The following UQCC1 variants were observed in gnomAD, a reference collection of about 807,000 sequenced individuals.
UQCC1 encodes the protein ubiquinol-cytochrome c reductase complex assembly factor 1, also known as bFGF-repressed Zic-binding protein.
A neutral mutation model predicts 48.0 loss-of-function variants in UQCC1; 38 were observed. That is an observed-to-expected ratio of 0.79 (90% confidence interval 0.61 to 1.04). The LOEUF (loss-of-function observed/expected upper bound fraction) is 1.04. Ranked by LOEUF, UQCC1 falls within the 50% of genes least tolerant of loss-of-function variation. The probability of loss-of-function intolerance (pLI) is 0.00; values close to 1 mark genes in which losing one functional copy is unlikely to be tolerated. For synonymous variants in UQCC1, 111 were observed against 129.2 expected (o/e 0.86, Z 0.95); for missense variants, 368 against 381.8 (o/e 0.96, Z 0.30).
intron 7 of UQCC1, among the ~76,000 whole-genome samples, chr20:35,340,220 C>T (rs1246761603): frequency 6.6e-6 from 1 of 152,126 alleles, no homozygotes; most frequent in African/African-American, 2.4e-5. Flanking sequence ...ACCTACTCCT[C>T]GAACTCTTGC....
In UQCC1 at chr20:35,317,669, C is replaced by T. The variant is rs1179244954; in HGVS notation, c.574-2904G>A. ...GGGAGCTACTCAAGGGTCATAGGAA[C>T]CATGTCTGATTAATCTCGGCACCCC... On this transcript the variant is annotated intron_variant, in intron 7 of 9. Transcript: ENST00000374385. Among the ~76,000 whole-genome samples the T allele has an allele frequency of 4.6e-5, 7 of 152,192 alleles. 1 individual carries two copies. Among genetic ancestry groups the T allele is most frequent in the Admixed American group, 4.6e-4 (7 of 15,282 alleles).
At chr20:35,315,533 G>A (rs906641489) in intron 7 of UQCC1, 2 of 152,452 alleles carry the variant, frequency 1.3e-5, no homozygotes, top group African/African-American at 4.8e-5. Context: ...GGGCCTCTGA[G>A]GCCATGGAAA....
chr20:35,326,727 C>T (rs1170996617), intron 7 of UQCC1, among the ~76,000 whole-genome samples: 1 of 152,188 alleles, frequency 6.6e-6, no homozygotes, highest in African/African-American at 2.4e-5. Flanking sequence ...GCACCCTGAG[C>T]CTCATGACTG....
chr20:35,306,759 A>G lies in UQCC1; in HGVS notation c.672T>C (p.His224=), dbSNP rs747244661. 23 of 1,614,088 alleles carry G rather than the reference A, an allele frequency of 1.4e-5. No individual in the cohort carries two copies. In the East Asian group the frequency reaches 3.1e-4, roughly 22 times the overall value. The change falls in exon 9 of 10, where the codon CAT becomes CAC. Residue 224 remains histidine, a synonymous_variant. Transcript: ENST00000374385. ...GYDEGILSDD[H]GLAAALWRTF... ...TTCTCCAGAGGGCAGCGGCCAGCCC[A>G]TGATCATCTGAAAGGATCCCCTGGA...
chr20:35,392,230 A>G (rs2062022377), intron 2 of UQCC1: 2 of 1,304,004 alleles, frequency 1.5e-6, no homozygotes, highest in Admixed American at 2.3e-5. Flanking sequence ...CCTGTGAGAC[A>G]TGTACCTGAG....
At chr20:35,378,383 G>A (rs2061827607) in intron 4 of UQCC1, among the ~76,000 whole-genome samples, 1 of 152,142 alleles carries the variant, frequency 6.6e-6, no homozygotes, top group Non-Finnish European at 1.5e-5. Flanking sequence ...AGAGGCCGAG[G>A]TGGGCGGATC....
At chr20:35,321,281 T>TGC (rs1232250114) in intron 7 of UQCC1, among the ~76,000 whole-genome samples, 9 of 138,918 alleles carry the variant, frequency 6.5e-5, no homozygotes, top group African/African-American at 2.7e-4. Flanking sequence ...TGTGTGTGTG[T>TGC]GTGCGCGCGC....
intron 8 of UQCC1, among the ~76,000 whole-genome samples, chr20:35,312,305 C>T (rs977255175): frequency 1.3e-5 from 2 of 152,166 alleles, no homozygotes; most frequent in African/African-American, 2.4e-5. Flanking sequence ...AATGTAAATG[C>T]TCCCTTGTAA....
intron 6 of UQCC1, among the ~76,000 whole-genome samples, chr20:35,351,354 T>C (rs1020406431): frequency 4.8e-5 from 7 of 145,978 alleles, no homozygotes; most frequent in Non-Finnish European, 8.9e-5. Flanking sequence ...ATCACGCCAC[T>C]GCACTCCAGC....
intron 7 of UQCC1, among the ~76,000 whole-genome samples, chr20:35,333,848 A>C (rs2061285713): frequency 6.6e-6 from 1 of 152,200 alleles, no homozygotes; most frequent in Non-Finnish European, 1.5e-5. Context: ...TTATTACTGT[A>C]ACCTTTCAGA....
At position 35,328,853 on chromosome 20, in the gene UQCC1, C is replaced by T. The variant is rs148608647; in HGVS notation, c.574-14088G>A. Reference sequence around the variant, plus strand: ...AAAAAGCAAGTGAACTCATATCTTTCTCGTTCGTCTGTTTCGTGTGGAAGT... The same window carrying T: ...AAAAAGCAAGTGAACTCATATCTTTTTCGTTCGTCTGTTTCGTGTGGAAGT... On this transcript the variant is annotated intron_variant, in intron 7 of 9. Coordinates refer to ENST00000374385, the MANE Select transcript of UQCC1 (RefSeq NM_018244.5). Among the ~76,000 whole-genome samples, 1,164 of 152,312 alleles carry T rather than the reference C, an allele frequency of 7.6e-3. 4 individuals are homozygous for T. The highest frequency in any genetic ancestry group is 0.012 in the Non-Finnish European group (789 of 68,028).
At chr20:35,337,892 C>T (rs921810878) in intron 7 of UQCC1, among the ~76,000 whole-genome samples, 1 of 152,096 alleles carries the variant, frequency 6.6e-6, no homozygotes, top group African/African-American at 2.4e-5. Context: ...CTCCCCGTCA[C>T]GGTCTCCTCT....
chr20:35,308,284 T>C (rs2060950427), intron 8 of UQCC1, among the ~76,000 whole-genome samples: 1 of 152,256 alleles, frequency 6.6e-6, no homozygotes, highest in Non-Finnish European at 1.5e-5. Context: ...TCAGGAAAAC[T>C]GGCTTTTTCT....
chr20:35,401,392 C>G (rs185820680), intron 1 of UQCC1, among the ~76,000 whole-genome samples: 1 of 152,122 alleles, frequency 6.6e-6, no homozygotes, highest in African/African-American at 2.4e-5. Context: ...CACAAAAATA[C>G]GAAAAATATG....
chr20:35,313,147 C>A (rs562867040), intron 8 of UQCC1, among the ~76,000 whole-genome samples: 1 of 151,864 alleles, frequency 6.6e-6, no homozygotes, highest in Non-Finnish European at 1.5e-5. Context: ...GAGGCCGAGG[C>A]GGGCAGATCA....
intron 7 of UQCC1, among the ~76,000 whole-genome samples, chr20:35,321,300 ACGCT>A (rs2061126266): frequency 6.7e-6 from 1 of 148,306 alleles, no homozygotes; most frequent in African/African-American, 2.6e-5. Context: ...GCGCGCGCGC[ACGCT>A]CAGGCACGCA....
intron 7 of UQCC1, among the ~76,000 whole-genome samples, chr20:35,337,388 C>T (rs1418422923): frequency 6.6e-6 from 1 of 152,078 alleles, no homozygotes; most frequent in Non-Finnish European, 1.5e-5. Flanking sequence ...GGGGTTTCAC[C>T]ATGTTGGCCA....
At chr20:35,324,618 A>G (rs980497109) in intron 7 of UQCC1, among the ~76,000 whole-genome samples, 3 of 152,234 alleles carry the variant, frequency 2.0e-5, no homozygotes, top group Non-Finnish European at 4.4e-5. Context: ...GAGCCACCGC[A>G]CCTGGCCGAG....
intron 2 of UQCC1, chr20:35,386,301 G>A: frequency 2.2e-6 from 1 of 454,896 alleles, no homozygotes; most frequent in South Asian, 1.6e-5. Context: ...AGGGTGAGAG[G>A]GAGCAGGAAG....
Sources: allele counts gnomAD v4.1 joint callset (sites outside exome capture counted in the v4.1 genomes callset), GRCh38; gene constraint gnomAD v4.1.1; transcripts MANE v1.5; gene names NCBI Gene and HGNC (gene_info 2026-07-23, HGNC 2026-07-21).